MLPH: variants seen among roughly 807,000 people sequenced by gnomAD.
MLPH encodes the protein melanophilin.
A neutral mutation model predicts 72.1 loss-of-function variants in MLPH; 51 were observed. That is an observed-to-expected ratio of 0.71 (90% CI 0.56 to 0.89). The LOEUF (loss-of-function observed/expected upper bound fraction) is 0.89, where lower values mean the gene tolerates loss of function less well. MLPH is among the 40% of genes least tolerant of loss of function. The probability of loss-of-function intolerance (pLI) is 0.00; values close to 1 mark genes in which losing one functional copy is unlikely to be tolerated. For synonymous variants in MLPH, 301 were observed against 310.1 expected (o/e 0.97, Z 0.31); for missense variants, 743 against 759.9 (o/e 0.98, Z 0.26).
At chr2:237,539,612 C>T (rs2080622783) in intron 9 of MLPH, among the ~76,000 whole-genome samples, 2 of 152,212 alleles carry the variant, frequency 1.3e-5, no homozygotes, top group African/African-American at 4.8e-5. Context: ...TTAAAGCCTG[C>T]CCTTAACCCT....
At position 237,554,391 on chromosome 2, in the gene MLPH, G is replaced by T. The variant is rs184768403; in HGVS notation, c.*799G>T. ...GGATCCAGTGGGGCAGAGGACAGAG[G>T]GTCACAACCAATGAGGGATGTCTGC... On this transcript the variant is annotated 3_prime_UTR_variant, in exon 16 of 16. Transcript: ENST00000264605. The T allele has an allele frequency of 5.6e-4, 88 of 156,598 alleles. 1 individual carries two copies. The highest frequency in any genetic ancestry group is 2.5e-3 in the East Asian group (13 of 5,298). The allele number at this position is 156,598 out of a possible 1,614,324, so 9.7% of individuals were successfully genotyped here.
At chr2:237,526,680 G>A (rs2080312502) in intron 7 of MLPH, among the ~76,000 whole-genome samples, 1 of 152,140 alleles carries the variant, frequency 6.6e-6, no homozygotes, top group African/African-American at 2.4e-5. Flanking sequence ...TCAGAGTCAG[G>A]CAGTTCTGAG....
intron 2 of MLPH, among the ~76,000 whole-genome samples, chr2:237,501,823 AAAT>A (rs1294029462): frequency 1.3e-5 from 2 of 151,738 alleles, no homozygotes; most frequent in Non-Finnish European, 1.5e-5. Flanking sequence ...ACTCCTCAAA[AAAT>A]AATAATAATA....
At position 237,512,213 on chromosome 2, in the gene MLPH, C is replaced by T. The variant is rs752713902; in HGVS notation, c.445+1112C>T. On this transcript the variant is annotated intron_variant, in intron 4 of 15. Coordinates refer to ENST00000264605, the MANE Select transcript of MLPH (RefSeq NM_024101.7). The surrounding 1 kb of genome is among the most constrained non-coding windows in gnomAD (Gnocchi z 5.5). ...CCCCCAGGCCTTCCTTCTGGAGAGA[C>T]ACCTTATTCGTGCCTGTCTCTTAAA... 6.6e-6 allele frequency among the ~76,000 whole-genome samples: 1 copy of T among 152,244 alleles called. No homozygotes were observed. Among genetic ancestry groups the T allele is most frequent in the Non-Finnish European group, 1.5e-5 (1 of 68,046 alleles).
intron 1 of MLPH, among the ~76,000 whole-genome samples, chr2:237,490,989 G>T (rs1559329533): frequency 6.6e-6 from 1 of 152,198 alleles, no homozygotes; most frequent in Non-Finnish European, 1.5e-5. Flanking sequence ...CATTTTTATG[G>T]CATAAGCCAG....
At chr2:237,527,927 A>G (rs2106344882) in intron 8 of MLPH, among the ~76,000 whole-genome samples, 1 of 152,354 alleles carries the variant, frequency 6.6e-6, no homozygotes, top group South Asian at 2.1e-4. Context: ...GATGTACGCA[A>G]CATGGAATAT....
intron 9 of MLPH, among the ~76,000 whole-genome samples, chr2:237,539,157 C>T (rs1197720885): frequency 6.6e-6 from 1 of 152,120 alleles, no homozygotes; most frequent in Admixed American, 6.5e-5. Flanking sequence ...GGCGGGGAGG[C>T]TTGAGCAGAA....
At chr2:237,492,494 A>T (rs116701477) in intron 1 of MLPH, among the ~76,000 whole-genome samples, 2,545 of 152,146 alleles carry the variant, frequency 0.017, 76 homozygotes, top group African/African-American at 0.059. Flanking sequence ...GTAAAATTTT[A>T]AAAAATTTAA....
chr2:237,532,804 G>A (rs533289120), intron 8 of MLPH, among the ~76,000 whole-genome samples: 4 of 152,336 alleles, frequency 2.6e-5, no homozygotes, highest in Admixed American at 6.5e-5. Flanking sequence ...AGAAAAACCC[G>A]AAATCTTTTC....
chr2:237,521,816 G>C (rs1412433834), intron 6 of MLPH, among the ~76,000 whole-genome samples: 1 of 131,288 alleles, frequency 7.6e-6, no homozygotes, highest in South Asian at 2.3e-4. Flanking sequence ...GCGGAGCAGG[G>C]CTGAGACTGG....
At chr2:237,523,513 G>T (rs2106333083) in intron 6 of MLPH, among the ~76,000 whole-genome samples, 1 of 152,318 alleles carries the variant, frequency 6.6e-6, no homozygotes, top group South Asian at 2.1e-4. Flanking sequence ...TTTCTCCATA[G>T]ATAAGAAGTT....
intron 5 of MLPH, 92 bp from the exon 6 acceptor site, chr2:237,519,818 G>T: frequency 6.3e-7 from 1 of 1,589,830 alleles, no homozygotes. Flanking sequence ...CCCTCTGGGG[G>T]CTGAGTGTGG....
chr2:237,542,345 G>A (rs942243270), intron 11 of MLPH, among the ~76,000 whole-genome samples: 3 of 152,118 alleles, frequency 2.0e-5, no homozygotes, highest in African/African-American at 7.2e-5. Flanking sequence ...CCTGCCTGGG[G>A]TGACCCATAA....
In MLPH at chr2:237,541,521, C is replaced by G. The variant is rs2080685349; in HGVS notation, c.1446+564C>G. On this transcript the variant is annotated intron_variant, in intron 11 of 15. Transcript: ENST00000264605. The surrounding 1 kb of genome is among the most constrained non-coding windows in gnomAD (Gnocchi z 5.1). ...CTCGGACTGTGAGGACAGCCAGCCC[C>G]CACGGCCCTCCTCCACTTCCCTTCT... 6.6e-6 allele frequency among the ~76,000 whole-genome samples: 1 copy of G among 152,212 alleles called. No homozygotes were observed. The highest frequency in any genetic ancestry group is 2.4e-5 in the African/African-American group (1 of 41,460).
At chr2:237,495,918 C>T (rs931298360) in intron 2 of MLPH, among the ~76,000 whole-genome samples, 2 of 152,160 alleles carry the variant, frequency 1.3e-5, no homozygotes, top group Admixed American at 1.3e-4. Context: ...TCACGGGCCC[C>T]GTCCTCACCC....
At chr2:237,528,672 A>C (rs915870924) in intron 8 of MLPH, among the ~76,000 whole-genome samples, 12 of 150,868 alleles carry the variant, frequency 8.0e-5, no homozygotes, top group Non-Finnish European at 1.3e-4. Context: ...GTACATTTAC[A>C]GTGTTGTGTA....
At chr2:237,533,211 G>A (rs1196768526) in intron 8 of MLPH, among the ~76,000 whole-genome samples, 2 of 152,078 alleles carry the variant, frequency 1.3e-5, no homozygotes, top group African/African-American at 4.8e-5. Context: ...CCTGGGGAGT[G>A]GGAGCTAGAG....
At chr2:237,499,539 G>A (rs549622878) in intron 2 of MLPH, among the ~76,000 whole-genome samples, 33 of 152,044 alleles carry the variant, frequency 2.2e-4, no homozygotes, top group Non-Finnish European at 4.7e-4. Flanking sequence ...AATCAGACAA[G>A]GGTTACAGGA....
chr2:237,543,024 TGGGGGACAGTAGTGAGTG>T (rs2080752915), intron 12 of MLPH, among the ~76,000 whole-genome samples: 1 of 12,562 alleles, frequency 8.0e-5, no homozygotes, highest in Non-Finnish European at 1.4e-4. Context: ...AGTGGTGAGT[TGGGGGACAGTAGTGAGTG>T]GGGGGACAGT....
Sources: gnomAD v4.1 joint callset for allele counts (sites outside exome capture counted in the v4.1 genomes callset) on GRCh38, gnomAD v4.1.1 for gene constraint, Gnocchi (gnomAD v3.1) non-coding constraint, MANE v1.5 for transcripts, NCBI Gene and HGNC (gene_info 2026-07-23, HGNC 2026-07-21) for gene names.